VPS33A: variants seen among roughly 807,000 people sequenced by gnomAD.
VPS33A encodes the protein VPS33A core subunit of CORVET and HOPS complexes.
In VPS33A, 32 loss-of-function variants were observed where a neutral mutation model predicts 71.8. The ratio of observed to expected loss-of-function variants is 0.45; its 90% confidence interval spans 0.34 to 0.60. The LOEUF is 0.60. Among genes scored for constraint, VPS33A ranks in the 20% least tolerant of loss-of-function variants. The pLI is 0.02. For synonymous variants in VPS33A, 311 were observed against 292.7 expected, an observed-to-expected ratio of 1.06 and a Z score of -0.64; for missense variants, 625 against 748.5, an observed-to-expected ratio of 0.84 and a Z score of 1.92.
In VPS33A at chr12:122,256,398, A is replaced by G. The variant is rs1052081967; in HGVS notation, c.483+4863T>C. ...AGACCAGCCTGGCCAACATGGTGAAACCCCATCTCCACTACAAATACAAAA... is the reference window on the plus strand; with the variant it reads ...AGACCAGCCTGGCCAACATGGTGAAGCCCCATCTCCACTACAAATACAAAA... On this transcript the variant is annotated intron_variant, in intron 4 of 12. Transcript: ENST00000267199. 3.3e-4 allele frequency among the ~76,000 whole-genome samples: 50 copies of G among 151,902 alleles called. 1 individual carries two copies. Among genetic ancestry groups the G allele is most frequent in the African/African-American group, 1.2e-3 (49 of 41,328 alleles).
rs547290733 is a variant in VPS33A at position 122,263,926 on chromosome 12, C to G, written c.168+208G>C. 7.2e-5 allele frequency among the ~76,000 whole-genome samples: 11 copies of G among 152,214 alleles called. No homozygotes were observed. The East Asian group carries it at 2.1e-3, about 29-fold the overall frequency. Reference sequence around the variant, plus strand: ...ACATGATGATGAACTATCAAAGACACCAGGAAATGGTCACATAATATAATG... The same window carrying G: ...ACATGATGATGAACTATCAAAGACAGCAGGAAATGGTCACATAATATAATG... On this transcript the variant is annotated intron_variant, in intron 2 of 12. Coordinates refer to ENST00000267199, the MANE Select transcript of VPS33A (RefSeq NM_022916.6).
At chr12:122,252,000 G>A (rs960957925) in intron 4 of VPS33A, among the ~76,000 whole-genome samples, 4 of 152,006 alleles carry the variant, frequency 2.6e-5, no homozygotes, top group Non-Finnish European at 4.4e-5. Flanking sequence ...GCTCATGGCT[G>A]TAATCACAGC....
At chr12:122,265,644 G>T in intron 1 of VPS33A, 1 of 422,702 alleles carries the variant, frequency 2.4e-6, no homozygotes, top group South Asian at 1.6e-5. Context: ...ACCTCTTGGG[G>T]TTCTGTTCTC....
chr12:122,264,221 C>T, intron 1 of VPS33A, 22 bp from the exon 2 acceptor site: 1 of 1,507,444 alleles, frequency 6.6e-7, no homozygotes, highest in Non-Finnish European at 9.0e-7. Flanking sequence ...GAGAAACATT[C>T]TCTTATTATA....
At chr12:122,263,826 C>A in intron 2 of VPS33A, 127 bp from the exon 3 acceptor site, 1 of 1,214,106 alleles carries the variant, frequency 8.2e-7, no homozygotes, top group East Asian at 2.5e-5. Context: ...TTTAGATTCC[C>A]TCAAAGCCAA....
Position 122,245,931 on chromosome 12 carries a change from C to T in VPS33A, c.776-1169G>A, listed in dbSNP as rs565593370. Reference sequence around the variant, plus strand: ...GGTCTTTATAGAAAAAGCTGTACACCCTGATCTAGAATAAGCTTCCAAATT... The same window carrying T: ...GGTCTTTATAGAAAAAGCTGTACACTCTGATCTAGAATAAGCTTCCAAATT... On this transcript the variant is annotated intron_variant, in intron 6 of 12. Coordinates refer to ENST00000267199, the MANE Select transcript of VPS33A (RefSeq NM_022916.6). 6.6e-5 allele frequency among the ~76,000 whole-genome samples: 10 copies of T among 152,204 alleles called. No individual in the cohort carries two copies. In the East Asian group the frequency reaches 1.9e-3, roughly 29 times the overall value.
intron 4 of VPS33A, among the ~76,000 whole-genome samples, chr12:122,257,426 CAAAAAAAAAAA>C (rs35763135): frequency 1.4e-4 from 9 of 64,974 alleles, no homozygotes; most frequent in Non-Finnish European, 2.4e-4. Flanking sequence ...GACTCTGCCT[CAAAAAAAAAAA>C]AAAAAAAAAA....
chr12:122,252,308 G>A (rs896731869), intron 4 of VPS33A, among the ~76,000 whole-genome samples: 17 of 151,170 alleles, frequency 1.1e-4, no homozygotes, highest in Admixed American at 5.3e-4. Flanking sequence ...TCGCTCTGTC[G>A]CCCTGGCTGG....
intron 6 of VPS33A, among the ~76,000 whole-genome samples, chr12:122,246,748 C>T (rs1954782419): frequency 6.6e-6 from 1 of 151,994 alleles, no homozygotes; most frequent in Non-Finnish European, 1.5e-5. Flanking sequence ...TATAGCCACC[C>T]GCCACCATAC....
chr12:122,239,591 A>G (rs1398729881), intron 9 of VPS33A, among the ~76,000 whole-genome samples: 4 of 151,828 alleles, frequency 2.6e-5, no homozygotes, highest in Admixed American at 2.6e-4. Flanking sequence ...AAAATTAGCC[A>G]GGTGTGGTGG....
Position 122,235,896 on chromosome 12 carries a change from A to C in VPS33A, c.1330T>G (p.Leu444Val). The change falls in exon 11 of 13, where the codon TTA (leucine) becomes GTA (valine). Residue 444 changes from leucine (L) to valine (V), a missense_variant. Transcript: ENST00000267199. ...AGGCCGGCCTTCTCCAGGTTGTGTAAGGTCAATATGTGCTCATAGCCGTAT... is the reference window on the plus strand; with the variant it reads ...AGGCCGGCCTTCTCCAGGTTGTGTACGGTCAATATGTGCTCATAGCCGTAT... ...QTYGYEHILT[L>V]HNLEKAGLLK... is the part of the protein sequence containing the mutation. The C allele has an allele frequency of 6.2e-7, 1 of 1,613,598 alleles. No homozygotes were observed. Among genetic ancestry groups the C allele is most frequent in the Non-Finnish European group, 8.5e-7 (1 of 1,179,814 alleles).
Position 122,261,385 on chromosome 12 carries a change from A to G in VPS33A, c.359T>C (p.Leu120Ser). ...CAGATCCTTCAACCGCTGTTCGCACAACAGGCTACGGCGTGGCACAAACAG... is the reference window on the plus strand; with the variant it reads ...CAGATCCTTCAACCGCTGTTCGCACGACAGGCTACGGCGTGGCACAAACAG... ...HILFVPRRSL[L>S]CEQRLKDLGV... Residue 120 changes from leucine to serine, a missense_variant, in exon 4 of 13, where the codon TTG becomes TCG. Physicochemically the swap from Leu to Ser is moderately radical, Grantham distance 145 (BLOSUM62 -2). Transcript: ENST00000267199. 1 of 1,614,106 alleles carries G rather than the reference A, an allele frequency of 6.2e-7. No homozygotes were observed.
intron 4 of VPS33A, among the ~76,000 whole-genome samples, chr12:122,257,630 AC>A (rs1954937539): frequency 1.3e-5 from 2 of 150,034 alleles, no homozygotes. Context: ...CTGAGATTAC[AC>A]CAGTGCACTC....
At chr12:122,243,369 G>C (rs1954739003) in intron 7 of VPS33A, among the ~76,000 whole-genome samples, 1 of 151,950 alleles carries the variant, frequency 6.6e-6, no homozygotes, top group Non-Finnish European at 1.5e-5. Flanking sequence ...CAAGGAGCTG[G>C]GATTACAGGC....
At chr12:122,248,715 CAACTA>C (rs1488135803) in intron 6 of VPS33A, 1 of 152,302 alleles carries the variant, frequency 6.6e-6, no homozygotes, top group Non-Finnish European at 1.5e-5. Flanking sequence ...CCAGGATCTC[CAACTA>C]AACTCTCCAC....
At chr12:122,251,564 T>C (rs918960326) in intron 4 of VPS33A, among the ~76,000 whole-genome samples, 1 of 152,176 alleles carries the variant, frequency 6.6e-6, no homozygotes, top group Non-Finnish European at 1.5e-5. Flanking sequence ...CAGATTTTCA[T>C]GACAACTGAC....
intron 11 of VPS33A, 43 bp from the exon 12 acceptor site, chr12:122,233,011 C>T (rs774365752): frequency 1.3e-6 from 2 of 1,507,060 alleles, no homozygotes; most frequent in Non-Finnish European, 1.8e-6. Flanking sequence ...GATACAGAGA[C>T]TTAGAGCTAC....
intron 1 of VPS33A, chr12:122,265,670 C>G: frequency 4.4e-6 from 2 of 449,944 alleles, no homozygotes; most frequent in Non-Finnish European, 9.0e-6. Flanking sequence ...GACTGAGGCT[C>G]CCCAGTTCGA....
intron 7 of VPS33A, among the ~76,000 whole-genome samples, chr12:122,243,220 G>GA (rs977825971): frequency 6.6e-6 from 1 of 152,028 alleles, no homozygotes; most frequent in African/African-American, 2.4e-5. Context: ...CTGTGTAACA[G>GA]AAAAAAATCC....
Sources: allele counts gnomAD v4.1 joint callset (sites outside exome capture counted in the v4.1 genomes callset), GRCh38; gene constraint gnomAD v4.1.1; transcripts MANE v1.5; gene names NCBI Gene and HGNC (gene_info 2026-07-23, HGNC 2026-07-21).